Variants in NPY1R observed in about 807,000 individuals in gnomAD.
NPY1R encodes the protein neuropeptide Y receptor Y1.
A neutral mutation model predicts 24.1 loss-of-function variants in NPY1R; 10 were observed. The observed-to-expected ratio is 0.42, with a 90% CI of 0.26 to 0.71. NPY1R has a LOEUF of 0.71. Ranked by LOEUF, NPY1R falls within the 30% of genes least tolerant of loss-of-function variation. The pLI is 0.28. For missense variants in NPY1R, 350 were observed against 458.0 expected (o/e 0.76, Z 2.15); for synonymous variants, 168 against 165.9 (o/e 1.01, Z -0.10).
At chr4:163,335,417 T>G (rs558250207), upstream of NPY1R, among the ~76,000 whole-genome samples, 1 of 152,332 alleles carries the variant, frequency 6.6e-6, no homozygotes, top group South Asian at 2.1e-4. Context: ...TTAAATTCCA[T>G]GATTCAGTAA....
rs1734590700 is a variant in NPY1R at position 163,325,767 on chromosome 4, GA to G, written c.700-10del. On this transcript the variant is annotated splice_polypyrimidine_tract_variant and intron_variant, in intron 2 of 2. Transcript: ENST00000296533. ...TTTAGGCGTATATATATCTATGGAA[GA>G]AAAAAGTTTAAATAGAAACACTCAT... 3 of 1,571,596 alleles carry G rather than the reference GA, an allele frequency of 1.9e-6. No individual in the cohort carries two copies. The highest frequency in any genetic ancestry group is 2.6e-6 in the Non-Finnish European group (3 of 1,154,966).
chr4:163,338,679 C>A (rs1461486550), intron 1 of NPY1R, among the ~76,000 whole-genome samples: 1 of 152,188 alleles, frequency 6.6e-6, no homozygotes, highest in African/African-American at 2.4e-5. Context: ...CCAGAATCCA[C>A]CAGAGATCCC....
intron 1 of NPY1R, among the ~76,000 whole-genome samples, chr4:163,338,749 A>G (rs1342125026): frequency 6.6e-6 from 1 of 152,086 alleles, no homozygotes; most frequent in Non-Finnish European, 1.5e-5. Context: ...GCTATCAACT[A>G]CATGCTTGCA....
In NPY1R at chr4:163,325,510, G is replaced by A. The variant is rs1321479667; in HGVS notation, c.948C>T (p.Asn316=). 4 of 1,613,994 alleles carry A rather than the reference G, an allele frequency of 2.5e-6. No individual in the cohort carries two copies. Among genetic ancestry groups the A allele is most frequent in the African/African-American group, 2.7e-5 (2 of 74,938 alleles). Residue 316 remains asparagine, a synonymous_variant, in exon 3 of 3, where the codon AAC becomes AAT. Coordinates refer to ENST00000296533, the MANE Select transcript of NPY1R (RefSeq NM_000909.6). ...HLTAMISTCV[N]PIFYGFLNKN... Reference sequence around the variant, plus strand: ...TGTTCAGGAACCCATAAAATATGGGGTTGACACAAGTGGATATCATTGCTG... The same window carrying A: ...TGTTCAGGAACCCATAAAATATGGGATTGACACAAGTGGATATCATTGCTG...
intron 1 of NPY1R, among the ~76,000 whole-genome samples, chr4:163,338,061 C>T (rs1263632278): frequency 6.6e-6 from 1 of 152,216 alleles, no homozygotes; most frequent in Non-Finnish European, 1.5e-5. Context: ...CTCCACACTT[C>T]AGGCTTTTCT....
chr4:163,343,241 A>G (rs1029547797), intron 1 of NPY1R, among the ~76,000 whole-genome samples: 2 of 150,282 alleles, frequency 1.3e-5, no homozygotes, highest in Non-Finnish European at 3.0e-5. Context: ...TATTGAATAT[A>G]GTCTTGAGCA....
chr4:163,328,034 C>T (rs535487909), intron 1 of NPY1R, among the ~76,000 whole-genome samples: 1 of 151,288 alleles, frequency 6.6e-6, no homozygotes, highest in East Asian at 1.9e-4. Context: ...TTGCCTTTTA[C>T]TTAATGCCTC....
chr4:163,324,081 T>G lies in NPY1R; in HGVS notation c.*1222A>C, dbSNP rs544811940. 5 of 152,550 alleles carry G rather than the reference T, an allele frequency of 3.3e-5. No individual in the cohort carries two copies. In the South Asian group the frequency reaches 1.0e-3, roughly 32 times the overall value. The allele number at this position is 152,550 out of a possible 1,614,324, so 9.4% of individuals were successfully genotyped here. A position where few individuals can be genotyped will look rare whatever the true frequency, so the allele number is the denominator to read the frequency against. The stretch of plus-strand genomic sequence containing the variant: ...ATGTCTTGTTCTTTAAAATATAGTT[T>G]CTCCAAATGATTCTGAGGCTCAATC... On this transcript the variant is annotated 3_prime_UTR_variant, in exon 3 of 3. Transcript: ENST00000296533.
chr4:163,326,622 A>T lies in NPY1R; in HGVS notation c.-68T>A. On this transcript the variant is annotated 5_prime_UTR_variant, in exon 2 of 3. It adds an upstream start codon to the 5' untranslated region. Coordinates refer to ENST00000296533, the MANE Select transcript of NPY1R (RefSeq NM_000909.6). ...CAGTATGTTTCTTCAAAGCAGGTCAACTGTTCAGCTTATTCTTATTCCCCA... is the reference window on the plus strand; with the variant it reads ...CAGTATGTTTCTTCAAAGCAGGTCATCTGTTCAGCTTATTCTTATTCCCCA... 1 of 972,180 alleles carries T rather than the reference A, an allele frequency of 1.0e-6. No individual in the cohort carries two copies. Among genetic ancestry groups the T allele is most frequent in the South Asian group, 1.6e-5 (1 of 62,156 alleles). 60.2% of individuals were successfully genotyped at this position (972,180 alleles called of 1,614,324 possible). A position where few individuals can be genotyped will look rare whatever the true frequency, so the allele number is the denominator to read the frequency against.
chr4:163,340,999 G>T (rs1373037912), intron 1 of NPY1R, among the ~76,000 whole-genome samples: 2 of 151,894 alleles, frequency 1.3e-5, no homozygotes, highest in East Asian at 1.9e-4. Context: ...TGATGCCCCC[G>T]TAGGACCTCA....
At chr4:163,336,883 T>C (rs1734849844), upstream of NPY1R, among the ~76,000 whole-genome samples, 1 of 152,124 alleles carries the variant, frequency 6.6e-6, no homozygotes, top group Non-Finnish European at 1.5e-5. Flanking sequence ...ATCACTTGAA[T>C]CTGGGAGGCA....
exon 1 of NPY1R, chr4:163,344,383 G>C (rs1735121346): frequency 6.6e-6 from 1 of 152,338 alleles, no homozygotes; most frequent in South Asian, 2.1e-4. Flanking sequence ...GATGGGGCGG[G>C]GGATGGACAA....
chr4:163,338,506 T>G (rs1247544603), intron 1 of NPY1R, among the ~76,000 whole-genome samples: 6 of 151,972 alleles, frequency 3.9e-5, no homozygotes, highest in Admixed American at 3.3e-4. Context: ...GTCTCCTCTC[T>G]ACTTTCCCCT....
chr4:163,340,321 T>A (rs1734949333), intron 1 of NPY1R, among the ~76,000 whole-genome samples: 1 of 151,730 alleles, frequency 6.6e-6, no homozygotes, highest in Non-Finnish European at 1.5e-5. Context: ...TATATATATA[T>A]ATATATTTGT....
In NPY1R at chr4:163,342,551, T is replaced by C. The variant is rs1182728141; in HGVS notation, c.-152+1754A>G. Among the ~76,000 whole-genome samples, 8 of 152,180 alleles carry C rather than the reference T, an allele frequency of 5.3e-5. No homozygotes were observed. In the East Asian group the frequency reaches 1.3e-3, roughly 26 times the overall value. ...TTCTGTTAAGCTTTTGGGGAGAATA[T>C]ATTAATATTTCAGAAATAACACACA... is the stretch of plus-strand genomic sequence containing the variant. On this transcript the variant is annotated intron_variant, in intron 1 of 1. Coordinates refer to the NPY1R transcript ENST00000511901.
At chr4:163,341,848 T>C (rs892085500) in intron 1 of NPY1R, among the ~76,000 whole-genome samples, 3 of 152,134 alleles carry the variant, frequency 2.0e-5, no homozygotes, top group African/African-American at 7.2e-5. Flanking sequence ...CTACAAAGAG[T>C]AATGATGATC....
Position 163,339,926 on chromosome 4 carries a change from C to T in NPY1R, c.-152+4379G>A, listed in dbSNP as rs1361260973. Among the ~76,000 whole-genome samples the T allele has an allele frequency of 5.9e-5, 9 of 151,938 alleles. 1 individual carries two copies. Among genetic ancestry groups the T allele is most frequent in the African/African-American group, 1.2e-4 (5 of 41,366 alleles). On this transcript the variant is annotated intron_variant, in intron 1 of 1. Transcript: ENST00000511901. The stretch of plus-strand genomic sequence containing the variant: ...ATAACATATTTTAATAGCTGTATTA[C>T]GTGTGAGAATAAGACTAAGAATGTG...
At chr4:163,328,542 T>C (rs1734659477) in intron 1 of NPY1R, among the ~76,000 whole-genome samples, 1 of 152,200 alleles carries the variant, frequency 6.6e-6, no homozygotes, top group African/African-American at 2.4e-5. Flanking sequence ...CTTTTTATCC[T>C]TGTCACCAAG....
Position 163,326,081 on chromosome 4 carries a change from A to G in NPY1R, c.474T>C (p.Gly158=), listed in dbSNP as rs1363126693. 1.2e-6 allele frequency: 2 copies of G among 1,614,116 alleles called. No individual in the cohort carries two copies. Among genetic ancestry groups the G allele is most frequent in the South Asian group, 1.1e-5 (1 of 91,076 alleles). The change falls in exon 2 of 3, where the codon GGT becomes GGC. Residue 158 remains glycine (G), a synonymous_variant. Coordinates refer to ENST00000296533, the MANE Select transcript of NPY1R (RefSeq NM_000909.6). ...CAGCAAGGACCCAAATCACAGCAAT[A>G]CCTACATAAGCATGTCTATTATTTG... ...WRPNNRHAYV[G]IAVIWVLAVA...
Sources: allele counts gnomAD v4.1 joint callset (sites outside exome capture counted in the v4.1 genomes callset), GRCh38; gene constraint gnomAD v4.1.1; transcripts MANE v1.5; gene names NCBI Gene and HGNC (gene_info 2026-07-23, HGNC 2026-07-21).